CTNNA3: variants seen among roughly 807,000 people sequenced by gnomAD.
CTNNA3 encodes catenin alpha 3.
In CTNNA3, 76 loss-of-function variants were observed where a neutral mutation model predicts 95.7. The observed-to-expected ratio is 0.79, with a 90% CI of 0.66 to 0.96. The LOEUF is 0.96. Ranked by LOEUF, CTNNA3 falls within the 40% of genes least tolerant of loss-of-function variation. The pLI is 0.00. For missense variants in CTNNA3, 1,191 were observed against 1,089.8 expected, an observed-to-expected ratio of 1.09 and a Z score of -1.31; for synonymous variants, 431 against 374.4, an observed-to-expected ratio of 1.15 and a Z score of -1.74.
rs1554854781 is a variant in CTNNA3, at chr10:66,806,796, G to GTA, written c.1048-31274_1048-31273dup. ...TGTGTGTGTGTGTGTGTGTGTGTGTGTATACATATATACACAATGTGGTAT... is the reference window on the plus strand; with the variant it reads ...TGTGTGTGTGTGTGTGTGTGTGTGTGTATATACATATATACACAATGTGGTAT... On this transcript the variant is annotated intron_variant, in intron 7 of 17. Transcript: ENST00000433211. Among the ~76,000 whole-genome samples, 228 of 135,500 alleles carry GTA rather than the reference G, an allele frequency of 1.7e-3. 3 individuals are homozygous for GTA. The highest frequency in any genetic ancestry group is 0.016 in the South Asian group (68 of 4,136). The allele number at this position is 135,500 out of a possible 152,430, so 88.9% of individuals were successfully genotyped here.
chr10:66,144,848 A>G (rs2083799346), intron 13 of CTNNA3, among the ~76,000 whole-genome samples: 1 of 152,210 alleles, frequency 6.6e-6, no homozygotes, highest in Admixed American at 6.5e-5. Flanking sequence ...AAAATGACAT[A>G]TATGGAGAAG....
At chr10:66,768,611 T>A (rs570798877) in intron 8 of CTNNA3, among the ~76,000 whole-genome samples, 1 of 152,304 alleles carries the variant, frequency 6.6e-6, no homozygotes, top group African/African-American at 2.4e-5. Context: ...GTAAATGATT[T>A]CATTCAATTC....
chr10:66,972,502 C>A (rs1428264696), intron 7 of CTNNA3, among the ~76,000 whole-genome samples: 2 of 151,924 alleles, frequency 1.3e-5, no homozygotes, highest in Non-Finnish European at 2.9e-5. Flanking sequence ...CTTACTTCTG[C>A]ATAAATGGTA....
At chr10:66,346,246 T>TATATAG (rs1416945569) in intron 12 of CTNNA3, among the ~76,000 whole-genome samples, 44 of 27,734 alleles carry the variant, frequency 1.6e-3, no homozygotes, top group African/African-American at 2.8e-3. Context: ...TATATATATA[T>TATATAG]AGAGAGAGAG....
At chr10:66,996,790 A>C (rs535281033) in intron 7 of CTNNA3, among the ~76,000 whole-genome samples, 6 of 152,000 alleles carry the variant, frequency 3.9e-5, no homozygotes, top group Non-Finnish European at 8.8e-5. Flanking sequence ...ATATTATCTA[A>C]AGTAGCATTT....
At chr10:67,559,722 G>C (rs1167559196) in intron 3 of CTNNA3, among the ~76,000 whole-genome samples, 8 of 152,210 alleles carry the variant, frequency 5.3e-5, no homozygotes, top group East Asian at 1.9e-4. Flanking sequence ...CAAAGGCAAA[G>C]AAGTTAAAAA....
chr10:66,707,472 T>C (rs1312678544), intron 9 of CTNNA3, among the ~76,000 whole-genome samples: 2 of 152,014 alleles, frequency 1.3e-5, no homozygotes, highest in Non-Finnish European at 2.9e-5. Flanking sequence ...CTGTGTATCA[T>C]ATATAGTATC....
chr10:66,079,829 T>C (rs1270531601), intron 14 of CTNNA3, among the ~76,000 whole-genome samples: 1 of 152,052 alleles, frequency 6.6e-6, no homozygotes, highest in Non-Finnish European at 1.5e-5. Context: ...ATAAAATCTA[T>C]TCTCATTATA....
intron 11 of CTNNA3, among the ~76,000 whole-genome samples, chr10:66,429,653 A>ACATGATTATT (rs2093276981): frequency 6.6e-6 from 1 of 152,180 alleles, no homozygotes; most frequent in Non-Finnish European, 1.5e-5. Context: ...GACAAAAAAC[A>ACATGATTATT]CATGATTATT....
Position 67,058,235 on chromosome 10 carries a change from C to T in CTNNA3, c.1047+122082G>A, listed in dbSNP as rs547209458. On this transcript the variant is annotated intron_variant, in intron 7 of 17. Transcript: ENST00000433211. ...ACCCCCAACCACTACACTGCAACAA[C>T]TTACAAAAGTATTCTGGGATTATGC... 7.2e-5 allele frequency among the ~76,000 whole-genome samples: 11 copies of T among 152,326 alleles called. No homozygotes were observed. In the South Asian group the frequency reaches 2.3e-3, roughly 32 times the overall value.
chr10:67,615,892 G>A (rs1007951034), intron 2 of CTNNA3, among the ~76,000 whole-genome samples: 1 of 152,078 alleles, frequency 6.6e-6, no homozygotes, highest in Non-Finnish European at 1.5e-5. Context: ...TCAAACTCCT[G>A]ACCTCAAGTG....
intron 14 of CTNNA3, among the ~76,000 whole-genome samples, chr10:66,091,954 G>A (rs926253603): frequency 6.6e-6 from 1 of 151,624 alleles, no homozygotes; most frequent in African/African-American, 2.4e-5. Flanking sequence ...ATCTTTGCTT[G>A]GTTTTTCAAC....
At chr10:66,785,643 C>T (rs115141082) in intron 7 of CTNNA3, among the ~76,000 whole-genome samples, 227 of 152,248 alleles carry the variant, frequency 1.5e-3, no homozygotes, top group African/African-American at 5.2e-3. Flanking sequence ...TTCTCTGGCC[C>T]TCAGATGGGG....
chr10:66,581,017 A>T (rs1409176567), intron 10 of CTNNA3, among the ~76,000 whole-genome samples: 1 of 151,596 alleles, frequency 6.6e-6, no homozygotes, highest in Non-Finnish European at 1.5e-5. Context: ...TCAATTCCTG[A>T]GTTACTTCAC....
rs1589582347 is a variant in CTNNA3 at position 67,726,618 on chromosome 10, AATAT to A, written c.-2+36812_-2+36815del. Reference sequence around the variant, plus strand: ...TTATATTACATATTATATAATATATAATATATATTATATTATATATAATATATAC... The same window carrying A: ...TTATATTACATATTATATAATATATAATATTATATTATATATAATATATAC... On this transcript the variant is annotated intron_variant, in intron 1 of 17. Transcript: ENST00000684154. 6.8e-4 allele frequency among the ~76,000 whole-genome samples: 11 copies of A among 16,238 alleles called. No homozygotes were observed. The East Asian group carries it at 9.3e-3, about 14-fold the overall frequency. The allele number at this position is 16,238 out of a possible 152,430, so 10.7% of individuals were successfully genotyped here.
At chr10:66,030,452 T>G (rs898320752) in intron 15 of CTNNA3, among the ~76,000 whole-genome samples, 4 of 152,088 alleles carry the variant, frequency 2.6e-5, no homozygotes, top group African/African-American at 9.7e-5. Flanking sequence ...AAATAAGCAA[T>G]GGGGAAAGGA....
At chr10:66,601,809 T>C (rs536592219) in intron 10 of CTNNA3, among the ~76,000 whole-genome samples, 2 of 152,066 alleles carry the variant, frequency 1.3e-5, no homozygotes, top group African/African-American at 4.8e-5. Flanking sequence ...TCTGTTTCAT[T>C]GCTTTTTAAC....
At chr10:66,351,956 C>T (rs1007108409) in intron 12 of CTNNA3, among the ~76,000 whole-genome samples, 2 of 151,856 alleles carry the variant, frequency 1.3e-5, no homozygotes, top group African/African-American at 4.8e-5. Context: ...TTTAATTTTA[C>T]TGTCCAGGAG....
In CTNNA3 at chr10:66,198,897, G is replaced by A. The variant is rs916723601; in HGVS notation, c.1884+81573C>T. On this transcript the variant is annotated intron_variant, in intron 13 of 17. Coordinates refer to ENST00000433211, the MANE Select transcript of CTNNA3 (RefSeq NM_013266.4). Reference sequence around the variant, plus strand: ...GCTGGATCTTATTCTTCCTTTTGAAGGTTTTGAAGAAATATGTTTTCATTC... The same window carrying A: ...GCTGGATCTTATTCTTCCTTTTGAAAGTTTTGAAGAAATATGTTTTCATTC... 2.0e-5 allele frequency among the ~76,000 whole-genome samples: 3 copies of A among 152,090 alleles called. No individual in the cohort carries two copies. In the East Asian group the frequency reaches 5.8e-4, roughly 29 times the overall value.
Sources: allele counts gnomAD v4.1 joint callset (sites outside exome capture counted in the v4.1 genomes callset), GRCh38; gene constraint gnomAD v4.1.1; transcripts MANE v1.5; gene names NCBI Gene and HGNC (gene_info 2026-07-23, HGNC 2026-07-21).